Variants in RORA observed in about 807,000 individuals in gnomAD.
The protein encoded by RORA is nuclear receptor ROR-alpha.
In RORA, 7 loss-of-function variants were observed where a neutral mutation model predicts 69.5. The observed-to-expected ratio is 0.10, with a 90% CI of 0.06 to 0.19. RORA has a LOEUF of 0.19. RORA is among the 10% of genes least tolerant of loss of function. RORA has a pLI of 1.00. For missense variants in RORA, 457 were observed against 663.0 expected, an observed-to-expected ratio of 0.69 and a Z score of 3.41; for synonymous variants, 261 against 240.8, an observed-to-expected ratio of 1.08 and a Z score of -0.78.
At chr15:61,002,693 G>C (rs10519100) in intron 1 of RORA, among the ~76,000 whole-genome samples, 11,251 of 152,136 alleles carry the variant, frequency 0.074, 538 homozygotes, top group Non-Finnish European at 0.11. Context: ...TGCCGCTTTA[G>C]GGTTTAAACT....
chr15:60,508,047 G>C (rs897060492), intron 5 of RORA, among the ~76,000 whole-genome samples: 2 of 152,210 alleles, frequency 1.3e-5, no homozygotes, highest in Admixed American at 6.5e-5. Context: ...CCAATTCATA[G>C]TCGATTTGGC....
chr15:60,785,191 T>A lies in RORA; in HGVS notation c.167-106505A>T, dbSNP rs183357100. Among the ~76,000 whole-genome samples, 24 of 152,376 alleles carry A rather than the reference T, an allele frequency of 1.6e-4. No individual in the cohort carries two copies. In the East Asian group the frequency reaches 1.9e-3, roughly 12 times the overall value. Reference sequence around the variant, plus strand: ...TGTCTGTGAACATAGGAATTTTTAATGAACAGTTTCAGTGTCTGGTTTCAT... The same window carrying A: ...TGTCTGTGAACATAGGAATTTTTAAAGAACAGTTTCAGTGTCTGGTTTCAT... On this transcript the variant is annotated intron_variant, in intron 1 of 10. Coordinates refer to ENST00000335670, the MANE Select transcript of RORA (RefSeq NM_134261.3).
rs1302141205 is a variant in RORA, at chr15:61,147,107, G to C, written c.166+81946C>G. On this transcript the variant is annotated intron_variant, in intron 1 of 10. Coordinates refer to ENST00000335670, the MANE Select transcript of RORA (RefSeq NM_134261.3). The surrounding 1 kb of genome is among the most constrained non-coding windows in gnomAD (Gnocchi z 4.1). ...ACCAAGCGGGCCAGACATCACAATAGGTTAGATTTTGGCAGATGCCTCATG... is the reference window on the plus strand; with the variant it reads ...ACCAAGCGGGCCAGACATCACAATACGTTAGATTTTGGCAGATGCCTCATG... Among the ~76,000 whole-genome samples, 5 of 152,298 alleles carry C rather than the reference G, an allele frequency of 3.3e-5. No homozygotes were observed. The highest frequency in any genetic ancestry group is 2.6e-4 in the Admixed American group (4 of 15,300).
chr15:60,835,635 A>G (rs555843367), intron 1 of RORA, among the ~76,000 whole-genome samples: 7 of 152,172 alleles, frequency 4.6e-5, no homozygotes, highest in African/African-American at 1.4e-4. Flanking sequence ...GACCATCTCT[A>G]TTTTACAGGT....
chr15:61,174,070 C>G (rs2079607656), intron 1 of RORA, among the ~76,000 whole-genome samples: 1 of 152,216 alleles, frequency 6.6e-6, no homozygotes, highest in African/African-American at 2.4e-5. Flanking sequence ...CATGGTAACT[C>G]TGACCTCCTG....
chr15:60,951,032 C>G (rs1408263522), intron 1 of RORA, among the ~76,000 whole-genome samples: 2 of 150,784 alleles, frequency 1.3e-5, no homozygotes, highest in Non-Finnish European at 3.0e-5. Context: ...TGACCACACA[C>G]TTGGAAGTAA....
intron 1 of RORA, among the ~76,000 whole-genome samples, chr15:60,860,486 C>T (rs1027294375): frequency 2.0e-5 from 3 of 152,178 alleles, no homozygotes; most frequent in African/African-American, 4.8e-5. Flanking sequence ...TAAGCAAGCA[C>T]GTACTATGCT....
chr15:60,925,199 TTGCTGCAGCCACAGGTGTAGAC>T (rs1280251762), intron 1 of RORA, among the ~76,000 whole-genome samples: 2 of 152,178 alleles, frequency 1.3e-5, no homozygotes, highest in Admixed American at 1.3e-4. Flanking sequence ...AGGCGGACCC[TTGCTGCAGCCACAGGTGTAGAC>T]TGCTCTCTCA....
At chr15:60,504,629 A>G (rs888981017) in intron 6 of RORA, among the ~76,000 whole-genome samples, 4 of 152,178 alleles carry the variant, frequency 2.6e-5, no homozygotes, top group Non-Finnish European at 4.4e-5. Context: ...CCTATTTCAT[A>G]TACTTTGTTG....
chr15:60,889,077 C>T (rs1595794941), intron 1 of RORA, among the ~76,000 whole-genome samples: 2 of 152,224 alleles, frequency 1.3e-5, no homozygotes, highest in African/African-American at 4.8e-5. Context: ...CCCTTCTCTG[C>T]CACCCCTAGC....
intron 1 of RORA, among the ~76,000 whole-genome samples, chr15:60,932,602 G>A (rs1186878428): frequency 1.3e-5 from 2 of 152,130 alleles, no homozygotes; most frequent in South Asian, 2.1e-4. Context: ...TGTGAATTGC[G>A]GCTCCTTCAG....
At chr15:60,724,904 G>A (rs771986724) in intron 1 of RORA, among the ~76,000 whole-genome samples, 3 of 152,054 alleles carry the variant, frequency 2.0e-5, no homozygotes, top group Admixed American at 6.5e-5. Flanking sequence ...CCTCCTCCCC[G>A]CTCCTCACAC....
At chr15:61,039,542 G>A (rs554361390) in intron 1 of RORA, among the ~76,000 whole-genome samples, 3 of 151,978 alleles carry the variant, frequency 2.0e-5, no homozygotes, top group Admixed American at 6.6e-5. Flanking sequence ...TCAGGAGTTC[G>A]AGACCAGCCT....
intron 2 of RORA, among the ~76,000 whole-genome samples, chr15:60,540,564 ACCCC>A (rs56827621): frequency 8.7e-5 from 4 of 46,050 alleles, no homozygotes; most frequent in African/African-American, 2.1e-4. Flanking sequence ...AATTTCCATG[ACCCC>A]CCCCCCCCAA....
rs148079174 is a variant in RORA at position 61,089,248 on chromosome 15, C to G, written c.166+139805G>C. On this transcript the variant is annotated intron_variant, in intron 1 of 10. Coordinates refer to ENST00000335670, the MANE Select transcript of RORA (RefSeq NM_134261.3). ...GCTCCCAGTGAATATGAGTAAATCC[C>G]CCTACTGTAGAAAAAAGTCCAAGAT... Among the ~76,000 whole-genome samples, 543 of 152,296 alleles carry G rather than the reference C, an allele frequency of 3.6e-3. 2 individuals carry two copies. Among genetic ancestry groups the G allele is most frequent in the Admixed American group, 7.5e-3 (114 of 15,298 alleles).
intron 1 of RORA, among the ~76,000 whole-genome samples, chr15:61,105,908 T>C (rs554352045): frequency 2.2e-4 from 34 of 152,286 alleles, no homozygotes; most frequent in African/African-American, 7.9e-4. Flanking sequence ...TGGTGAAAAG[T>C]TGACATAATG....
At chr15:61,082,612 G>A (rs2078561961) in intron 1 of RORA, among the ~76,000 whole-genome samples, 1 of 152,228 alleles carries the variant, frequency 6.6e-6, no homozygotes, top group Non-Finnish European at 1.5e-5. Flanking sequence ...CATCACTTGA[G>A]TATGTGTGGA....
chr15:60,775,641 G>A lies in RORA; in HGVS notation c.167-96955C>T, dbSNP rs554830215. 2.3e-4 allele frequency among the ~76,000 whole-genome samples: 35 copies of A among 152,044 alleles called. No homozygotes were observed. In the South Asian group the frequency reaches 6.0e-3, roughly 26 times the overall value. Reference sequence around the variant, plus strand: ...CTACTCAAGGCACGAGCACACACACGCACAATTCATTTATGCCTACCTTGG... The same window carrying A: ...CTACTCAAGGCACGAGCACACACACACACAATTCATTTATGCCTACCTTGG... On this transcript the variant is annotated intron_variant, in intron 1 of 10. Coordinates refer to ENST00000335670, the MANE Select transcript of RORA (RefSeq NM_134261.3).
At chr15:60,522,362 T>G (rs2066198652) in intron 3 of RORA, among the ~76,000 whole-genome samples, 1 of 152,190 alleles carries the variant, frequency 6.6e-6, no homozygotes, top group South Asian at 2.1e-4. Flanking sequence ...CCACAGAAAT[T>G]GGCAAATGTT....
Sources: allele counts gnomAD v4.1 joint callset (sites outside exome capture counted in the v4.1 genomes callset), GRCh38; gene constraint gnomAD v4.1.1; non-coding constraint Gnocchi (gnomAD v3.1); transcripts MANE v1.5; gene names NCBI Gene and HGNC (gene_info 2026-07-23, HGNC 2026-07-21).